THSD7B: variants seen among roughly 807,000 people sequenced by gnomAD.
THSD7B encodes thrombospondin type-1 domain-containing protein 7B.
THSD7B carries 138 observed loss-of-function variants against 213.6 expected under a neutral mutation model. That is an observed-to-expected ratio of 0.65 (90% CI 0.56 to 0.74). The LOEUF is 0.74. THSD7B is among the 30% of genes least tolerant of loss of function. The pLI is 0.00. For missense variants in THSD7B, 1,931 were observed against 1,991.5 expected (o/e 0.97, Z 0.58); for synonymous variants, 742 against 687.0 (o/e 1.08, Z -1.25).
At chr2:136,856,517 A>ATT (rs34017749) in intron 1 of THSD7B, among the ~76,000 whole-genome samples, 3 of 140,376 alleles carry the variant, frequency 2.1e-5, no homozygotes, top group Admixed American at 1.4e-4. Context: ...AATGAGCTGG[A>ATT]TTTTTTTTTT....
At chr2:137,437,683 G>A (rs1434783965) in intron 14 of THSD7B, among the ~76,000 whole-genome samples, 2 of 152,054 alleles carry the variant, frequency 1.3e-5, no homozygotes. Context: ...GTGAGGGTGG[G>A]ATGATAAAGA....
chr2:137,290,025 T>C (rs965230877), intron 12 of THSD7B, among the ~76,000 whole-genome samples: 1 of 151,878 alleles, frequency 6.6e-6, no homozygotes, highest in Admixed American at 6.6e-5. Flanking sequence ...AATGGCTCAA[T>C]GTACATAGAA....
chr2:137,599,138 G>T (rs1251508633), intron 17 of THSD7B, among the ~76,000 whole-genome samples: 10 of 145,476 alleles, frequency 6.9e-5, no homozygotes, highest in Middle Eastern at 3.6e-3. Context: ...ACGGTGTTTG[G>T]TTTTTTTTTC....
intron 10 of THSD7B, among the ~76,000 whole-genome samples, chr2:137,268,660 T>C (rs1383322055): frequency 1.3e-5 from 2 of 152,130 alleles, no homozygotes; most frequent in African/African-American, 4.8e-5. Flanking sequence ...GCTTCTTTAC[T>C]GCAGCCCATT....
intron 15 of THSD7B, among the ~76,000 whole-genome samples, chr2:137,503,195 A>T (rs1273191628): frequency 6.6e-6 from 1 of 152,178 alleles, no homozygotes; most frequent in Non-Finnish European, 1.5e-5. Context: ...ACTTTGTTGA[A>T]GTTTACTTTG....
chr2:136,852,293 C>A (rs564345430), intron 1 of THSD7B, among the ~76,000 whole-genome samples: 15 of 150,248 alleles, frequency 1.0e-4, no homozygotes, highest in African/African-American at 3.6e-4. Context: ...CAGTCCTGGG[C>A]TGAAAGCTGG....
Position 137,075,724 on chromosome 2 carries a change from C to T in THSD7B, c.950+18494C>T, listed in dbSNP as rs1687606933. 2.0e-5 allele frequency among the ~76,000 whole-genome samples: 3 copies of T among 152,134 alleles called. 1 individual carries two copies. Among genetic ancestry groups the T allele is most frequent in the Non-Finnish European group, 4.4e-5 (3 of 68,032 alleles). ...TTTCCCATCTTTGTGGTTTTATCTA[C>T]CTTTGGTCTTTGATGATGGTGACAT... On this transcript the variant is annotated intron_variant, in intron 3 of 27. Coordinates refer to ENST00000409968, the MANE Select transcript of THSD7B (RefSeq NM_001316349.2).
chr2:137,234,340 G>A (rs1681716353), intron 9 of THSD7B, among the ~76,000 whole-genome samples: 1 of 152,048 alleles, frequency 6.6e-6, no homozygotes, highest in African/African-American at 2.4e-5. Flanking sequence ...GGGGAACCAC[G>A]GTGAAGGGCT....
At chr2:137,002,437 GT>G (rs35935585) in intron 2 of THSD7B, among the ~76,000 whole-genome samples, 76,619 of 151,880 alleles carry the variant, frequency 0.5, 21,161 homozygotes, top group East Asian at 0.72. Flanking sequence ...ACCCCATGCT[GT>G]TTTCTCTTGC....
chr2:136,864,656 C>A (rs952936359), intron 1 of THSD7B, among the ~76,000 whole-genome samples: 1 of 152,020 alleles, frequency 6.6e-6, no homozygotes. Flanking sequence ...AGGTTCACAT[C>A]ATTCTCCTGC....
At chr2:137,588,930 C>T (rs1681804601) in intron 17 of THSD7B, among the ~76,000 whole-genome samples, 1 of 152,034 alleles carries the variant, frequency 6.6e-6, no homozygotes, top group African/African-American at 2.4e-5. Context: ...CAGGTGCATG[C>T]CACCATGCCC....
intron 4 of THSD7B, among the ~76,000 whole-genome samples, chr2:137,108,689 A>G (rs1009380500): frequency 6.6e-6 from 1 of 152,130 alleles, no homozygotes; most frequent in African/African-American, 2.4e-5. Flanking sequence ...AGCTGCATCT[A>G]CCTTTTGAGA....
At chr2:137,025,251 C>A (rs2104846787) in intron 2 of THSD7B, among the ~76,000 whole-genome samples, 1 of 152,242 alleles carries the variant, frequency 6.6e-6, no homozygotes, top group East Asian at 1.9e-4. Flanking sequence ...TGGTCTATAT[C>A]TTAAGAGTTT....
At chr2:137,586,338 T>A (rs549520207) in intron 17 of THSD7B, among the ~76,000 whole-genome samples, 1 of 152,312 alleles carries the variant, frequency 6.6e-6, no homozygotes, top group South Asian at 2.1e-4. Flanking sequence ...CATTTACATT[T>A]AAGGTTAGTA....
intron 12 of THSD7B, among the ~76,000 whole-genome samples, chr2:137,386,193 T>C (rs768189669): frequency 6.6e-6 from 1 of 152,218 alleles, no homozygotes; most frequent in Non-Finnish European, 1.5e-5. Flanking sequence ...TTGTGCATCA[T>C]TCCTTCCAGA....
At chr2:136,803,453 C>T (rs114836400) in intron 1 of THSD7B, among the ~76,000 whole-genome samples, 171 of 152,164 alleles carry the variant, frequency 1.1e-3, no homozygotes, top group African/African-American at 3.6e-3. Flanking sequence ...TTAATTTTTA[C>T]GTGGAACTAT....
Position 137,094,862 on chromosome 2 carries a change from GT to G in THSD7B, c.951-4del, listed in dbSNP as rs781082327. On this transcript the variant is annotated splice_polypyrimidine_tract_variant and intron_variant, in intron 3 of 27. Transcript: ENST00000409968. ...ATATGGCCTCCTATTTTCTACTTCT[GT>G]TTTTTTCAGCCTTTGCCTTCAAGAT... The G allele has an allele frequency of 6.2e-7, 1 of 1,606,934 alleles. No homozygotes were observed. The highest frequency in any genetic ancestry group is 8.5e-7 in the Non-Finnish European group (1 of 1,175,042).
intron 2 of THSD7B, among the ~76,000 whole-genome samples, chr2:136,961,366 A>C (rs1685215954): frequency 6.6e-6 from 1 of 151,216 alleles, no homozygotes; most frequent in Admixed American, 6.6e-5. Context: ...GACTACAGGC[A>C]CAACCACCAT....
At position 137,657,072 on chromosome 2, in the gene THSD7B, A is replaced by ATGT. The variant is rs1683250789; in HGVS notation, c.4289_4291dup (p.Cys1430dup). ...TATCATATTTACTTACAGGAGGCAA[A>ATGT]TGTTATCACTACACATGGAAAGCAA... On this transcript the variant is annotated inframe_insertion, in exon 24 of 28. Transcript: ENST00000409968. The ATGT allele has an allele frequency of 6.2e-7, 1 of 1,613,880 alleles. No individual in the cohort carries two copies. Among genetic ancestry groups the ATGT allele is most frequent in the African/African-American group, 1.3e-5 (1 of 74,922 alleles).
Sources: gnomAD v4.1 joint callset for allele counts (sites outside exome capture counted in the v4.1 genomes callset) on GRCh38, gnomAD v4.1.1 for gene constraint, MANE v1.5 for transcripts, NCBI Gene and HGNC (gene_info 2026-07-23, HGNC 2026-07-21) for gene names.